Variants in SMIM10L3 observed in about 807,000 individuals in gnomAD.
SMIM10L3 encodes the protein small integral membrane protein 10 like 3, also known as salivary gland specific protein SAGSIN1.
the SMIM10L3 span, among the ~76,000 whole-genome samples, chr7:6,336,381 A>AC: frequency 9.3e-5 from 14 of 150,958 alleles, no homozygotes; most frequent in South Asian, 2.1e-4. Context: ...ATATATATGA[A>AC]CCACATAAAA....
the SMIM10L3 span, among the ~76,000 whole-genome samples, chr7:6,336,397 C>T: frequency 2.6e-5 from 4 of 151,928 alleles, no homozygotes; most frequent in East Asian, 5.8e-4. Flanking sequence ...TAAAAGAATA[C>T]AGGCCAGGCA....
chr7:6,343,947 G>C, the SMIM10L3 span, among the ~76,000 whole-genome samples: 3 of 152,032 alleles, frequency 2.0e-5, no homozygotes, highest in African/African-American at 7.2e-5. Context: ...GAGCAGTGGT[G>C]GGATCATAGC....
chr7:6,342,174 T>C, the SMIM10L3 span, among the ~76,000 whole-genome samples: 1 of 152,088 alleles, frequency 6.6e-6, no homozygotes, highest in Admixed American at 6.6e-5. Flanking sequence ...TAAAGCTTCA[T>C]TTTCTTTCCT....
the SMIM10L3 span, among the ~76,000 whole-genome samples, chr7:6,336,691 A>C: frequency 6.6e-6 from 1 of 152,060 alleles, no homozygotes; most frequent in Admixed American, 6.6e-5. Context: ...CCAAAAAAAA[A>C]AAAAAAAGCT....
the SMIM10L3 span, among the ~76,000 whole-genome samples, chr7:6,340,627 C>T: frequency 5.9e-5 from 9 of 152,092 alleles, no homozygotes; most frequent in African/African-American, 2.2e-4. Context: ...TGAGTGCTGG[C>T]TGGGCATGGT....
At chr7:6,335,931 G>T in the SMIM10L3 span, among the ~76,000 whole-genome samples, 3 of 152,024 alleles carry the variant, frequency 2.0e-5, no homozygotes, top group Admixed American at 2.0e-4. Flanking sequence ...CCAGCACTCT[G>T]GGAGGCCAAG....
the SMIM10L3 span, chr7:6,331,190 C>T: frequency 7.0e-6 from 11 of 1,579,980 alleles, no homozygotes; most frequent in Admixed American, 1.8e-5. Context: ...CCTGAGGTCA[C>T]GCCTTCGTCA....
At chr7:6,330,733 T>C in the SMIM10L3 span, 1 of 1,614,124 alleles carries the variant, frequency 6.2e-7, no homozygotes, top group Admixed American at 1.7e-5. Flanking sequence ...CTGTCCTCTG[T>C]GGCCGTCAGT....
the SMIM10L3 span, among the ~76,000 whole-genome samples, chr7:6,332,666 C>T: frequency 6.6e-6 from 1 of 151,932 alleles, no homozygotes. Flanking sequence ...TCACTCTGCC[C>T]TCTGACCTGG....
the SMIM10L3 span, among the ~76,000 whole-genome samples, chr7:6,337,368 C>T: frequency 1.4e-4 from 21 of 152,182 alleles, no homozygotes; most frequent in South Asian, 6.2e-4. Context: ...GTGATCTACC[C>T]GCCTCAGCCT....
At chr7:6,344,493 G>C in the SMIM10L3 span, among the ~76,000 whole-genome samples, 1 of 151,930 alleles carries the variant, frequency 6.6e-6, no homozygotes, top group Non-Finnish European at 1.5e-5. Context: ...TACAATTATA[G>C]CTCACTGCCT....
chr7:6,332,858 T>G, the SMIM10L3 span, among the ~76,000 whole-genome samples: 1 of 152,096 alleles, frequency 6.6e-6, no homozygotes, highest in African/African-American at 2.4e-5. Context: ...TATAACCGCA[T>G]TAAGATTTGT....
the SMIM10L3 span, among the ~76,000 whole-genome samples, chr7:6,344,584 A>G: frequency 2.0e-5 from 3 of 151,752 alleles, no homozygotes; most frequent in Admixed American, 2.0e-4. Context: ...ACGCCCAGCT[A>G]ATTTTTGTAT....
chr7:6,346,993 G>T, the SMIM10L3 span, among the ~76,000 whole-genome samples: 3 of 152,130 alleles, frequency 2.0e-5, no homozygotes, highest in Non-Finnish European at 4.4e-5. Context: ...CTTTCTTTGA[G>T]AAAGAATTCT....
the SMIM10L3 span, chr7:6,348,911 A>G: frequency 2.6e-6 from 1 of 386,312 alleles, no homozygotes; most frequent in Non-Finnish European, 4.6e-6. Flanking sequence ...TCCGCACGTC[A>G]CGCTCGGAGA....
the SMIM10L3 span, among the ~76,000 whole-genome samples, chr7:6,335,408 T>C: frequency 6.6e-6 from 1 of 151,814 alleles, no homozygotes; most frequent in South Asian, 2.1e-4. Flanking sequence ...TTTGTATTTT[T>C]AGTAGAGATG....
the SMIM10L3 span, among the ~76,000 whole-genome samples, chr7:6,347,826 G>T: frequency 6.6e-6 from 1 of 151,134 alleles, no homozygotes; most frequent in Non-Finnish European, 1.5e-5. Context: ...GGCCAAGATG[G>T]GAGGATCTCT....
At chr7:6,331,142 T>G in the SMIM10L3 span, 11 of 1,612,236 alleles carry the variant, frequency 6.8e-6, no homozygotes, top group Non-Finnish European at 9.3e-6. Context: ...AGGGGCCCTC[T>G]TCTGTCCCTC....
the SMIM10L3 span, among the ~76,000 whole-genome samples, chr7:6,337,036 AT>A: frequency 1.3e-5 from 2 of 151,994 alleles, no homozygotes; most frequent in Non-Finnish European, 2.9e-5. Flanking sequence ...GGATTCCTAA[AT>A]ATATTTCAAT....
Sources: allele counts gnomAD v4.1 joint callset (sites outside exome capture counted in the v4.1 genomes callset), GRCh38; gene constraint gnomAD v4.1.1; transcripts MANE v1.5; gene names NCBI Gene and HGNC (gene_info 2026-07-23, HGNC 2026-07-21).